The following HMGCL variants were observed in gnomAD, a reference collection of about 807,000 sequenced individuals.
The protein encoded by HMGCL is 3-hydroxy-3-methylglutaryl-CoA lyase, also known as hydroxymethylglutaryl-CoA lyase, mitochondrial.
A neutral mutation model predicts 37.3 loss-of-function variants in HMGCL; 26 were observed. That is an observed-to-expected ratio of 0.70 (90% CI 0.51 to 0.97). The LOEUF (loss-of-function observed/expected upper bound fraction) is 0.97. Among genes scored for constraint, HMGCL ranks in the 50% least tolerant of loss-of-function variants. HMGCL has a pLI of 0.00. For synonymous variants in HMGCL, 151 were observed against 148.0 expected (o/e 1.02, Z -0.15); for missense variants, 379 against 398.1 (o/e 0.95, Z 0.41).
rs2076344 is a variant in HMGCL at position 23,817,442 on chromosome 1, A to G, written c.252+34T>C. 1,127,310 of 1,234,520 alleles carry G rather than the reference A, an allele frequency of 0.91. 515,451 individuals are homozygous for G. Among genetic ancestry groups the G allele is most frequent in the African/African-American group, 0.97 (65,392 of 67,656 alleles). The allele number at this position is 1,234,520 out of a possible 1,614,324, so 76.5% of individuals were successfully genotyped here. On this transcript the variant is annotated intron_variant, in intron 3 of 8. Coordinates refer to ENST00000374490, the MANE Select transcript of HMGCL (RefSeq NM_000191.3). Reference sequence around the variant, plus strand: ...GGCAAATGCAAAACTTTTCATCCCTAGAGAAAGGCCTTTCATTGAGGGCTA... The same window carrying G: ...GGCAAATGCAAAACTTTTCATCCCTGGAGAAAGGCCTTTCATTGAGGGCTA...
Position 23,804,421 on chromosome 1 carries a change from T to C in HMGCL, c.855A>G (p.Leu285=). The C allele has an allele frequency of 6.2e-7, 1 of 1,614,198 alleles. No individual in the cohort carries two copies. The highest frequency in any genetic ancestry group is 1.6e-4 in the Middle Eastern group (1 of 6,062). ...NLATEDLVYM[L]EGLGIHTGVN... ...TTACCGTGTGAATGCCCAAGCCCTC[T>C]AGCATGTAGACCAGGTCTTCTGTGG... Residue 285 remains leucine (L), a synonymous_variant, in exon 8 of 9, where the codon CTA becomes CTG. Coordinates refer to ENST00000374490, the MANE Select transcript of HMGCL (RefSeq NM_000191.3).
intron 1 of HMGCL, among the ~76,000 whole-genome samples, chr1:23,820,841 A>G (rs1331254644): frequency 6.6e-6 from 1 of 152,134 alleles, no homozygotes; most frequent in African/African-American, 2.4e-5. Flanking sequence ...CTCCTTTTCC[A>G]CTGCCTACCT....
chr1:23,816,676 G>A lies in HMGCL; in HGVS notation c.347C>T (p.Ala116Val), dbSNP rs368145582. The A allele has an allele frequency of 5.0e-6, 8 of 1,589,668 alleles. No individual in the cohort carries two copies. The highest frequency in any genetic ancestry group is 6.9e-6 in the Non-Finnish European group (8 of 1,157,856). ...LTPNLKGFEAAVAAGAKEVVI... is the reference protein window; with the variant it reads ...LTPNLKGFEAVVAAGAKEVVI... Reference sequence around the variant, plus strand: ...CCCACCAACAAGCTATCCTCTTACCGCTGCCTCGAAGCCTTTCAAATTTGG... The same window carrying A: ...CCCACCAACAAGCTATCCTCTTACCACTGCCTCGAAGCCTTTCAAATTTGG... Residue 116 changes from alanine (A) to valine (V), a missense_variant and splice_region_variant, in exon 4 of 9, where the codon GCG (alanine) becomes GTG (valine). Transcript: ENST00000374490.
At chr1:23,825,240 T>C (rs1366614959) in intron 1 of HMGCL, 116 bp downstream of exon 1, 64 of 834,586 alleles carry the variant, frequency 7.7e-5, no homozygotes, top group Non-Finnish European at 1.2e-4. Context: ...CTCCCGACTC[T>C]GGCCTGAGAG....
intron 1 of HMGCL, among the ~76,000 whole-genome samples, chr1:23,823,099 C>G (rs957195925): frequency 1.3e-5 from 2 of 150,058 alleles, no homozygotes; most frequent in Non-Finnish European, 2.9e-5. Flanking sequence ...TTGCTTGAAC[C>G]CAGGAGGAGG....
Position 23,802,413 on chromosome 1 carries a change from G to C in HMGCL, c.*50C>G, listed in dbSNP as rs539447808. 9.3e-7 allele frequency: 1 copy of C among 1,069,812 alleles called. No individual in the cohort carries two copies. Among genetic ancestry groups the C allele is most frequent in the African/African-American group, 1.6e-5 (1 of 64,482 alleles). 66.3% of individuals were successfully genotyped at this position (1,069,812 alleles called of 1,614,324 possible). The stretch of plus-strand genomic sequence containing the variant: ...ATGTCCCCATCCATGAATCATCTGT[G>C]TGTGCCCCTATTTCCACATCATCCC... On this transcript the variant is annotated 3_prime_UTR_variant, in exon 9 of 9. Coordinates refer to ENST00000374490, the MANE Select transcript of HMGCL (RefSeq NM_000191.3).
chr1:23,811,516 T>A (rs1557489512), intron 5 of HMGCL, among the ~76,000 whole-genome samples: 1 of 152,104 alleles, frequency 6.6e-6, no homozygotes, highest in Non-Finnish European at 1.5e-5. Context: ...GGAGGCCAAC[T>A]AGTGAGGGTC....
At position 23,814,289 on chromosome 1, in the gene HMGCL, A is replaced by G. The variant is rs768336753; in HGVS notation, c.398T>C (p.Leu133Pro). 13 of 1,613,962 alleles carry G rather than the reference A, an allele frequency of 8.1e-6. No individual in the cohort carries two copies. ...EVVIFGAASE[L>P]FTKKNINCSI... ...ACAATTGATGTTCTTCTTGGTGAAG[A>G]GCTCTGAGGCAGCTCCAAAGATGAC... Residue 133 changes from leucine to proline, a missense_variant, in exon 5 of 9, where the codon CTC (leucine) becomes CCC (proline). Transcript: ENST00000374490.
intron 2 of HMGCL, among the ~76,000 whole-genome samples, chr1:23,819,892 G>C (rs1638681821): frequency 6.6e-6 from 1 of 152,048 alleles, no homozygotes; most frequent in Non-Finnish European, 1.5e-5. Context: ...TAAACTGCTT[G>C]AGTCACTTTA....
At chr1:23,813,796 G>A in intron 5 of HMGCL, 2 of 281,406 alleles carry the variant, frequency 7.1e-6, no homozygotes, top group Non-Finnish European at 1.4e-5. Context: ...TGAAGAGCTA[G>A]TGATAAAGCC....
At chr1:23,804,070 A>G (rs1638354267) in intron 8 of HMGCL, 1 of 324,934 alleles carries the variant, frequency 3.1e-6, no homozygotes, top group African/African-American at 2.1e-5. Flanking sequence ...AAACATTAAA[A>G]TATTAGATCA....
intron 6 of HMGCL, chr1:23,809,846 T>C (rs145771467): frequency 3.3e-4 from 51 of 152,406 alleles, no homozygotes; most frequent in African/African-American, 1.2e-3. Context: ...TGACGTCGCT[T>C]CCCCAGTGGC....
At chr1:23,804,716 T>G (rs1638370280) in intron 7 of HMGCL, among the ~76,000 whole-genome samples, 191 bp from the exon 8 acceptor site, 1 of 152,204 alleles carries the variant, frequency 6.6e-6, no homozygotes, top group South Asian at 2.1e-4. Context: ...TGTTAAACTG[T>G]TTCCTCTGCC....
chr1:23,814,472 G>C, intron 4 of HMGCL, 134 bp from the exon 5 acceptor site: 1 of 985,640 alleles, frequency 1.0e-6, no homozygotes, highest in South Asian at 1.4e-5. Flanking sequence ...CTGGGTTCAA[G>C]CGATTCTCCT....
chr1:23,818,224 T>C (rs1334781757), intron 2 of HMGCL, among the ~76,000 whole-genome samples: 1 of 152,154 alleles, frequency 6.6e-6, no homozygotes, highest in Non-Finnish European at 1.5e-5. Flanking sequence ...TTTGGGAGGC[T>C]GAGACAGGCA....
Position 23,820,495 on chromosome 1 carries a change from C to G in HMGCL, c.144+15G>C, listed in dbSNP as rs1638698379. 1 of 1,600,188 alleles carries G rather than the reference C, an allele frequency of 6.2e-7. No individual in the cohort carries two copies. The highest frequency in any genetic ancestry group is 1.3e-5 in the African/African-American group (1 of 74,758). On this transcript the variant is annotated intron_variant, in intron 2 of 8. Transcript: ENST00000374490. ...GCTTGAAAAAACTGTTTTTTTGGCT[C>G]ATTTCCAACTTTACCTTTTCATTTT...
At chr1:23,813,403 C>T (rs1293061156) in intron 5 of HMGCL, among the ~76,000 whole-genome samples, 3 of 150,972 alleles carry the variant, frequency 2.0e-5, no homozygotes, top group Admixed American at 2.0e-4. Flanking sequence ...TTAGTAAAGA[C>T]GGGGTTTCTA....
chr1:23,815,738 G>A (rs533164449), intron 4 of HMGCL, among the ~76,000 whole-genome samples: 11 of 151,662 alleles, frequency 7.3e-5, no homozygotes, highest in East Asian at 1.9e-4. Flanking sequence ...CTCATGATCC[G>A]CCCGCCCTGG....
chr1:23,804,525 TC>T lies in HMGCL; in HGVS notation c.751-1del. 1 of 1,614,108 alleles carries T rather than the reference TC, an allele frequency of 6.2e-7. No homozygotes were observed. Among genetic ancestry groups the T allele is most frequent in the Non-Finnish European group, 8.5e-7 (1 of 1,180,002 alleles). ...GAAGAGTCCACGACACTCACTCCCA[TC>T]TAGAAACATAAGGATGGTGAAACAC... On this transcript the variant is annotated splice_acceptor_variant, in intron 7 of 8. Coordinates refer to ENST00000374490, the MANE Select transcript of HMGCL (RefSeq NM_000191.3). LOFTEE classifies it high-confidence loss of function.
Sources: allele counts gnomAD v4.1 joint callset (sites outside exome capture counted in the v4.1 genomes callset), GRCh38; gene constraint gnomAD v4.1.1; transcripts MANE v1.5; gene names NCBI Gene and HGNC (gene_info 2026-07-23, HGNC 2026-07-21).